Variants in SLC13A3 observed in about 807,000 individuals in gnomAD.
The protein encoded by SLC13A3 is Na(+)/dicarboxylate cotransporter 3.
SLC13A3 carries 40 observed loss-of-function variants against 59.0 expected under a neutral mutation model. The observed-to-expected ratio is 0.68, with a 90% CI of 0.53 to 0.88. SLC13A3 has a LOEUF of 0.88. Ranked by LOEUF, SLC13A3 falls within the 40% of genes least tolerant of loss-of-function variation. The pLI is 0.00. For missense variants in SLC13A3, 699 were observed against 783.2 expected (o/e 0.89, Z 1.28); for synonymous variants, 317 against 330.3 (o/e 0.96, Z 0.44).
chr20:46,650,727 G>A (rs1002987723), intron 1 of SLC13A3, among the ~76,000 whole-genome samples: 22 of 152,244 alleles, frequency 1.4e-4, no homozygotes, highest in African/African-American at 4.3e-4. Flanking sequence ...TGACTGTCGC[G>A]TGAAATGTGC....
At chr20:46,664,949 A>G (rs1172481801) in intron 1 of SLC13A3, among the ~76,000 whole-genome samples, 1 of 152,234 alleles carries the variant, frequency 6.6e-6, no homozygotes, top group Admixed American at 6.5e-5. Flanking sequence ...GACTCAAAGT[A>G]GGATCCTGAA....
intron 1 of SLC13A3, among the ~76,000 whole-genome samples, chr20:46,624,462 C>A (rs999864996): frequency 1.3e-5 from 2 of 152,168 alleles, no homozygotes; most frequent in African/African-American, 4.8e-5. Context: ...AATAAGTAGC[C>A]TGACCAGGGT....
At chr20:46,614,954 T>A (rs2062540901) in intron 1 of SLC13A3, among the ~76,000 whole-genome samples, 1 of 152,174 alleles carries the variant, frequency 6.6e-6, no homozygotes, top group African/African-American at 2.4e-5. Context: ...AGGAAACTTT[T>A]GGGCTGATGG....
rs1356278259 is a variant in SLC13A3, at chr20:46,557,840, G to A, written c.*2182C>T. 2.0e-5 allele frequency: 3 copies of A among 152,146 alleles called. No homozygotes were observed. Among genetic ancestry groups the A allele is most frequent in the Non-Finnish European group, 4.4e-5 (3 of 68,042 alleles). 9.4% of individuals were successfully genotyped at this position (152,146 alleles called of 1,614,324 possible). ...AGAACATGACAGGTTCCCAATAAAT[G>A]TTTATTGAATGAATAAATGGAAGAA... is the stretch of plus-strand genomic sequence containing the variant. On this transcript the variant is annotated 3_prime_UTR_variant, in exon 13 of 13. Transcript: ENST00000279027.
intron 3 of SLC13A3, among the ~76,000 whole-genome samples, chr20:46,605,432 T>C (rs1463076388): frequency 3.3e-5 from 5 of 152,008 alleles, no homozygotes; most frequent in South Asian, 2.1e-4. Flanking sequence ...GTCCAGAAAT[T>C]GCCAGTTGAT....
intron 2 of SLC13A3, among the ~76,000 whole-genome samples, chr20:46,612,766 C>T (rs1426279717): frequency 6.6e-6 from 1 of 152,066 alleles, no homozygotes; most frequent in Non-Finnish European, 1.5e-5. Context: ...AATAAAACCC[C>T]TATTTTAAAG....
chr20:46,586,019 C>G (rs1294422788), intron 8 of SLC13A3, among the ~76,000 whole-genome samples: 2 of 152,042 alleles, frequency 1.3e-5, no homozygotes, highest in Non-Finnish European at 2.9e-5. Flanking sequence ...AAATGTAAAG[C>G]ACACACCAGA....
intron 1 of SLC13A3, among the ~76,000 whole-genome samples, chr20:46,617,544 A>C (rs1397895926): frequency 6.6e-6 from 1 of 152,108 alleles, no homozygotes; most frequent in Non-Finnish European, 1.5e-5. Context: ...CTCAAACAAC[A>C]GATGTGTGTT....
At chr20:46,598,586 G>A (rs1001013814) in intron 4 of SLC13A3, among the ~76,000 whole-genome samples, 1 of 152,172 alleles carries the variant, frequency 6.6e-6, no homozygotes, top group Non-Finnish European at 1.5e-5. Context: ...ACAGTCATGA[G>A]TGGCTGAACC....
intron 10 of SLC13A3, among the ~76,000 whole-genome samples, chr20:46,573,098 T>C (rs2062044643): frequency 6.6e-6 from 1 of 152,242 alleles, no homozygotes; most frequent in African/African-American, 2.4e-5. Context: ...TGCTCATCTA[T>C]TCCTTTGTTC....
At chr20:46,674,297 C>T (rs181451948), upstream of SLC13A3, among the ~76,000 whole-genome samples, 81 of 152,226 alleles carry the variant, frequency 5.3e-4, no homozygotes, top group Non-Finnish European at 8.5e-4. Context: ...GGGATTAGTT[C>T]CCCCTTCTTT....
At position 46,558,754 on chromosome 20, in the gene SLC13A3, C is replaced by T. The variant is rs925132824; in HGVS notation, c.*1268G>A. 1 of 152,146 alleles carries T rather than the reference C, an allele frequency of 6.6e-6. No individual in the cohort carries two copies. Among genetic ancestry groups the T allele is most frequent in the African/African-American group, 2.4e-5 (1 of 41,420 alleles). The allele number at this position is 152,146 out of a possible 1,614,324, so 9.4% of individuals were successfully genotyped here. A position where few individuals can be genotyped will look rare whatever the true frequency, so the allele number is the denominator to read the frequency against. On this transcript the variant is annotated 3_prime_UTR_variant, in exon 13 of 13. Transcript: ENST00000279027. ...CCAAGCGCTCCTAGGGGAATCTCCA[C>T]CCTCAGAGGCTTAGGAAAGGGAAGT...
chr20:46,577,240 G>T (rs544301092), intron 9 of SLC13A3, among the ~76,000 whole-genome samples: 5 of 151,456 alleles, frequency 3.3e-5, no homozygotes, highest in African/African-American at 9.7e-5. Flanking sequence ...ACCTACAGGT[G>T]TATGCAGCCC....
At chr20:46,629,155 T>G (rs568713572) in intron 1 of SLC13A3, among the ~76,000 whole-genome samples, 4 of 152,342 alleles carry the variant, frequency 2.6e-5, no homozygotes, top group African/African-American at 9.6e-5. Flanking sequence ...TATGCACATA[T>G]TTTAAAAAAG....
chr20:46,612,190 G>A (rs756031869), intron 2 of SLC13A3, among the ~76,000 whole-genome samples: 9 of 128,134 alleles, frequency 7.0e-5, no homozygotes, highest in Non-Finnish European at 1.4e-4. Context: ...TACAGTGAGT[G>A]GCGTGATCTT....
intron 9 of SLC13A3, among the ~76,000 whole-genome samples, chr20:46,577,731 G>A (rs2062093372): frequency 6.6e-6 from 1 of 152,214 alleles, no homozygotes. Flanking sequence ...TCCCACTGCA[G>A]CTCAACCTGA....
At chr20:46,575,267 G>T (rs895221285) in intron 10 of SLC13A3, among the ~76,000 whole-genome samples, 5 of 152,164 alleles carry the variant, frequency 3.3e-5, no homozygotes. Context: ...TTGGGTGAGC[G>T]CAATATGTTG....
chr20:46,585,501 A>G (rs1216006719), intron 8 of SLC13A3: 3 of 1,007,284 alleles, frequency 3.0e-6, no homozygotes, highest in Non-Finnish European at 3.6e-6. Context: ...CTAAAAGCCA[A>G]TTGGCATATG....
intron 1 of SLC13A3, among the ~76,000 whole-genome samples, chr20:46,624,997 C>T (rs971577327): frequency 2.0e-5 from 3 of 152,114 alleles, no homozygotes; most frequent in African/African-American, 7.2e-5. Flanking sequence ...TCTAGTCTCC[C>T]GACTCTGTAA....
Sources: gnomAD v4.1 joint callset for allele counts (sites outside exome capture counted in the v4.1 genomes callset) on GRCh38, gnomAD v4.1.1 for gene constraint, MANE v1.5 for transcripts, NCBI Gene and HGNC (gene_info 2026-07-23, HGNC 2026-07-21) for gene names.